The following MED1 variants were observed in gnomAD, a reference collection of about 807,000 sequenced individuals.
The protein encoded by MED1 is mediator complex subunit 1.
A neutral mutation model predicts 121.3 loss-of-function variants in MED1; 17 were observed. The ratio of observed to expected loss-of-function variants is 0.14; its 90% CI spans 0.10 to 0.21. The LOEUF is 0.21. Ranked by LOEUF, MED1 falls within the 10% of genes least tolerant of loss-of-function variation. The pLI is 1.00. For synonymous variants in MED1, 661 were observed against 694.4 expected (o/e 0.95, Z 0.76); for missense variants, 1,558 against 1,919.4 (o/e 0.81, Z 3.52).
Position 39,406,871 on chromosome 17 carries a change from G to T in MED1, c.*604C>A, listed in dbSNP as rs1373544737. 2.0e-6 allele frequency: 2 copies of T among 985,340 alleles called. No homozygotes were observed. Among genetic ancestry groups the T allele is most frequent in the Non-Finnish European group, 2.4e-6 (2 of 829,886 alleles). The allele number at this position is 985,340 out of a possible 1,614,324, so 61.0% of individuals were successfully genotyped here. On this transcript the variant is annotated 3_prime_UTR_variant, in exon 17 of 17. Transcript: ENST00000300651. ...CACTGTATAAAAACAAACAGATAAA[G>T]GGTTAAAATATTACAAATAAATAGC...
chr17:39,443,457 A>T, intron 3 of MED1, 93 bp downstream of exon 3: 1 of 1,025,788 alleles, frequency 9.7e-7, no homozygotes, highest in Non-Finnish European at 1.5e-6. Context: ...AAGTTGACCT[A>T]CCTCAATTTT....
chr17:39,442,004 G>A (rs938502531), intron 3 of MED1, among the ~76,000 whole-genome samples: 4 of 149,668 alleles, frequency 2.7e-5, no homozygotes, highest in African/African-American at 4.9e-5. Context: ...TCAGGAGGCT[G>A]AGGCAGAACA....
intron 3 of MED1, among the ~76,000 whole-genome samples, chr17:39,442,363 C>T (rs112188155): frequency 1.1e-4 from 17 of 151,588 alleles, no homozygotes; most frequent in African/African-American, 3.9e-4. Flanking sequence ...TTTGGGAGGC[C>T]GAGGCGGGTG....
In MED1 at chr17:39,406,872, G is replaced by C; in HGVS notation, c.*603C>G. 1 of 985,322 alleles carries C rather than the reference G, an allele frequency of 1.0e-6. No individual in the cohort carries two copies. Among genetic ancestry groups the C allele is most frequent in the Admixed American group, 6.2e-5 (1 of 16,214 alleles). The allele number at this position is 985,322 out of a possible 1,614,324, so 61.0% of individuals were successfully genotyped here. ...ACTGTATAAAAACAAACAGATAAAGGGTTAAAATATTACAAATAAATAGCT... is the reference window on the plus strand; with the variant it reads ...ACTGTATAAAAACAAACAGATAAAGCGTTAAAATATTACAAATAAATAGCT... On this transcript the variant is annotated 3_prime_UTR_variant, in exon 17 of 17. Transcript: ENST00000300651.
At chr17:39,443,675 C>G in intron 2 of MED1, 47 bp from the exon 3 acceptor site, 1 of 1,488,002 alleles carries the variant, frequency 6.7e-7, no homozygotes, top group Non-Finnish European at 9.4e-7. Context: ...ACCAGGCCAA[C>G]AGTGTTTTAG....
chr17:39,439,536 T>A (rs1469185994), intron 5 of MED1, among the ~76,000 whole-genome samples: 1 of 152,242 alleles, frequency 6.6e-6, no homozygotes, highest in Non-Finnish European at 1.5e-5. Context: ...ATTTTTCAGA[T>A]CATCTGTTCT....
In MED1 at chr17:39,421,277, C is replaced by T. The variant is rs139597046; in HGVS notation, c.1096-1359G>A. On this transcript the variant is annotated intron_variant, in intron 13 of 16. Coordinates refer to ENST00000300651, the MANE Select transcript of MED1 (RefSeq NM_004774.4). Reference sequence around the variant, plus strand: ...AGAAAAAAGAAAAGAAAAGGACAGGCAAGGTGGCTTGCGCCTGTAATCCCA... The same window carrying T: ...AGAAAAAAGAAAAGAAAAGGACAGGTAAGGTGGCTTGCGCCTGTAATCCCA... Among the ~76,000 whole-genome samples the T allele has an allele frequency of 1.0e-3, 147 of 143,942 alleles. 1 individual carries two copies. Among genetic ancestry groups the T allele is most frequent in the African/African-American group, 3.6e-3 (139 of 38,956 alleles). The allele number at this position is 143,942 out of a possible 152,430, so 94.4% of individuals were successfully genotyped here.
At chr17:39,414,765 G>A (rs2048392210) in intron 16 of MED1, among the ~76,000 whole-genome samples, 1 of 145,630 alleles carries the variant, frequency 6.9e-6, no homozygotes, top group African/African-American at 2.5e-5. Context: ...CACCTCCCAG[G>A]TTCAAGTTAT....
intron 16 of MED1, among the ~76,000 whole-genome samples, chr17:39,412,042 C>A (rs963946436): frequency 1.2e-4 from 18 of 151,456 alleles, no homozygotes; most frequent in Admixed American, 2.6e-4. Flanking sequence ...TCTCTTGACC[C>A]ATTAAGTACT....
chr17:39,413,093 G>C lies in MED1; in HGVS notation c.1499+1933C>G, dbSNP rs577843505. On this transcript the variant is annotated intron_variant, in intron 16 of 16. Coordinates refer to ENST00000300651, the MANE Select transcript of MED1 (RefSeq NM_004774.4). ...ATTAAGTTGGCTTTTTGTTTGTTTT[G>C]AGATGGCATCTTGCTCTGTCTACCA... Among the ~76,000 whole-genome samples the C allele has an allele frequency of 3.3e-5, 5 of 152,044 alleles. No individual in the cohort carries two copies. The East Asian group carries it at 9.7e-4, about 30-fold the overall frequency.
chr17:39,439,076 G>A, intron 6 of MED1, 89 bp downstream of exon 6: 1 of 1,168,594 alleles, frequency 8.6e-7, no homozygotes, highest in African/African-American at 1.6e-5. Context: ...TTGTTCCTGA[G>A]GAGAATAACT....
intron 9 of MED1, among the ~76,000 whole-genome samples, chr17:39,429,493 C>T (rs559046107): frequency 8.6e-5 from 13 of 151,526 alleles, no homozygotes; most frequent in South Asian, 4.2e-4. Flanking sequence ...GTCAGGAGTT[C>T]GAGACCAGCC....
Position 39,408,664 on chromosome 17 carries a change from AAAG to A in MED1, c.3554_3556del (p.Ser1185del), listed in dbSNP as rs754513286. The A allele has an allele frequency of 7.3e-5, 118 of 1,614,164 alleles. 4 individuals are homozygous for A. The South Asian group carries it at 1.2e-3, about 16-fold the overall frequency. The stretch of plus-strand genomic sequence containing the variant: ...AGAAGGGGATATGTTTGGTTTACTT[AAAG>A]AAGGATTCATAAGTGATGATGGCTT... On this transcript the variant is annotated inframe_deletion, in exon 17 of 17. Coordinates refer to ENST00000300651, the MANE Select transcript of MED1 (RefSeq NM_004774.4). This position sits in a 1 kb window ranked among gnomAD's most constrained non-coding sequence, Gnocchi z 4.7.
chr17:39,405,848 ATCT>A lies in MED1; in HGVS notation c.*1624_*1626del, dbSNP rs2048298798. 1.0e-5 allele frequency: 10 copies of A among 985,782 alleles called. No homozygotes were observed. The highest frequency in any genetic ancestry group is 1.2e-5 in the Non-Finnish European group (10 of 830,198). 61.1% of individuals were successfully genotyped at this position (985,782 alleles called of 1,614,324 possible). A position where few individuals can be genotyped will look rare whatever the true frequency, so the allele number is the denominator to read the frequency against. ...CCTGCAGAAAAAGCTGAATATAGAA[ATCT>A]TCTTCCATATATGATGAAGTCACTC... On this transcript the variant is annotated 3_prime_UTR_variant, in exon 17 of 17. Transcript: ENST00000300651.
At chr17:39,420,570 T>C (rs1033248146) in intron 13 of MED1, among the ~76,000 whole-genome samples, 10 of 152,056 alleles carry the variant, frequency 6.6e-5, no homozygotes, top group African/African-American at 2.2e-4. Flanking sequence ...ACCACTACTT[T>C]AGTCTATTGT....
chr17:39,447,508 T>C (rs1269337470), intron 2 of MED1, among the ~76,000 whole-genome samples: 4 of 152,116 alleles, frequency 2.6e-5, no homozygotes, highest in Non-Finnish European at 4.4e-5. Context: ...TTATGAAACA[T>C]AAATAAATTA....
In MED1 at chr17:39,405,575, A is replaced by C; in HGVS notation, c.*1900T>G. On this transcript the variant is annotated 3_prime_UTR_variant, in exon 17 of 17. Transcript: ENST00000300651. Reference sequence around the variant, plus strand: ...AGGCTGCTACTGTATCAACATCACAAGATAAAGCACTCTGGTATCACCTGC... The same window carrying C: ...AGGCTGCTACTGTATCAACATCACACGATAAAGCACTCTGGTATCACCTGC... 7.8e-7 allele frequency: 1 copy of C among 1,285,324 alleles called. No individual in the cohort carries two copies. The allele number at this position is 1,285,324 out of a possible 1,614,324, so 79.6% of individuals were successfully genotyped here. A position where few individuals can be genotyped will look rare whatever the true frequency, so the allele number is the denominator to read the frequency against.
At position 39,409,276 on chromosome 17, in the gene MED1, GTAC is replaced by G. The variant is rs1567638396; in HGVS notation, c.2942_2944del (p.Ser981del). The G allele has an allele frequency of 1.2e-6, 2 of 1,614,098 alleles. No individual in the cohort carries two copies. The highest frequency in any genetic ancestry group is 8.5e-7 in the Non-Finnish European group (1 of 1,180,020). ...GCTGTCTAATCCGGGCCCCGAGAGA[GTAC>G]TATTACTGGTGCCATTGCCTTCCTT... On this transcript the variant is annotated inframe_deletion, in exon 17 of 17. Coordinates refer to ENST00000300651, the MANE Select transcript of MED1 (RefSeq NM_004774.4).
At position 39,408,160 on chromosome 17, in the gene MED1, T is replaced by A; in HGVS notation, c.4061A>T (p.Lys1354Met). ...TTTGTCTTTATCACTTTTCTCACGC[T>A]TGCCCTGAAACTCTCCTCCTGACAT... ...HNMSGGEFQGKREKSDKDKSK... is the reference protein window; with the variant it reads ...HNMSGGEFQGMREKSDKDKSK... Residue 1354 changes from lysine to methionine, a missense_variant, in exon 17 of 17, where the codon AAG becomes ATG. Coordinates refer to ENST00000300651, the MANE Select transcript of MED1 (RefSeq NM_004774.4). This position sits in a 1 kb window ranked among gnomAD's most constrained non-coding sequence, Gnocchi z 4.7. 6.2e-7 allele frequency: 1 copy of A among 1,614,082 alleles called. No individual in the cohort carries two copies. Among genetic ancestry groups the A allele is most frequent in the Non-Finnish European group, 8.5e-7 (1 of 1,180,042 alleles).
Sources: allele counts gnomAD v4.1 joint callset (sites outside exome capture counted in the v4.1 genomes callset), GRCh38; gene constraint gnomAD v4.1.1; non-coding constraint Gnocchi (gnomAD v3.1); transcripts MANE v1.5; gene names NCBI Gene and HGNC (gene_info 2026-07-23, HGNC 2026-07-21).